Variants in OCA2 observed in about 807,000 individuals in gnomAD.
OCA2 encodes OCA2 melanosomal transmembrane protein.
In OCA2, 77 loss-of-function variants were observed where a neutral mutation model predicts 100.2. That is an observed-to-expected ratio of 0.77 (90% CI 0.64 to 0.93). OCA2 has a LOEUF of 0.93. Among genes scored for constraint, OCA2 ranks in the 40% least tolerant of loss-of-function variants. The pLI is 0.00. For synonymous variants in OCA2, 432 were observed against 439.2 expected (o/e 0.98, Z 0.21); for missense variants, 1,062 against 1,089.1 (o/e 0.98, Z 0.35).
At chr15:27,913,866 A>G (rs188041852) in intron 19 of OCA2, among the ~76,000 whole-genome samples, 4,597 of 57,810 alleles carry the variant, frequency 0.08, 508 homozygotes, top group East Asian at 0.35. Flanking sequence ...AAAGAAAGAA[A>G]GAAAGAAAGA....
At chr15:27,864,860 G>T (rs937656724) in intron 21 of OCA2, among the ~76,000 whole-genome samples, 1 of 151,914 alleles carries the variant, frequency 6.6e-6, no homozygotes, top group East Asian at 1.9e-4. Flanking sequence ...GTTTCTCAGC[G>T]GTTCCAACTC....
At chr15:27,740,868 C>T in the OCA2 span, among the ~76,000 whole-genome samples, 1 of 152,222 alleles carries the variant, frequency 6.6e-6, no homozygotes, top group Admixed American at 6.5e-5. Flanking sequence ...GCTTGTCTCA[C>T]GAGTCTCCAG....
At chr15:27,820,901 A>G (rs1002467372) in intron 23 of OCA2, among the ~76,000 whole-genome samples, 1 of 152,144 alleles carries the variant, frequency 6.6e-6, no homozygotes, top group African/African-American at 2.4e-5. Flanking sequence ...AAGGGCTATA[A>G]TATTTGTCAT....
At chr15:27,842,906 A>C (rs1332363398) in intron 23 of OCA2, among the ~76,000 whole-genome samples, 2 of 152,234 alleles carry the variant, frequency 1.3e-5, no homozygotes, top group Non-Finnish European at 2.9e-5. Context: ...GCCCACATGC[A>C]TCACCCACTG....
At chr15:28,088,639 G>A (rs1030383674) in intron 1 of OCA2, among the ~76,000 whole-genome samples, 8 of 152,106 alleles carry the variant, frequency 5.3e-5, no homozygotes, top group Non-Finnish European at 7.3e-5. Flanking sequence ...ATCACATGTC[G>A]GTAGGTTCCG....
intron 9 of OCA2, among the ~76,000 whole-genome samples, chr15:28,013,226 A>AATCCCAT (rs2042290892): frequency 2.0e-5 from 3 of 152,200 alleles, no homozygotes; most frequent in African/African-American, 7.2e-5. Context: ...GAAATAGGAT[A>AATCCCAT]GAGCAGCTAA....
intron 23 of OCA2, among the ~76,000 whole-genome samples, chr15:27,789,059 C>T (rs2032955996): frequency 1.3e-5 from 2 of 151,990 alleles, no homozygotes; most frequent in Admixed American, 6.6e-5. Flanking sequence ...TGTCAAAAGG[C>T]CAAAAGCATA....
At chr15:27,722,780 T>TC in the OCA2 span, among the ~76,000 whole-genome samples, 8 of 134,310 alleles carry the variant, frequency 6.0e-5, no homozygotes, top group South Asian at 5.0e-4. Context: ...TTTTCTTTCT[T>TC]TCTCTCTCTC....
chr15:27,783,123 A>C (rs548807903), intron 23 of OCA2, among the ~76,000 whole-genome samples: 26 of 152,364 alleles, frequency 1.7e-4, no homozygotes, highest in South Asian at 1.0e-3. Flanking sequence ...TTTCATTAAG[A>C]AGACATTGTT....
At chr15:28,049,086 A>T (rs1052922556) in intron 2 of OCA2, among the ~76,000 whole-genome samples, 3 of 152,214 alleles carry the variant, frequency 2.0e-5, no homozygotes, top group African/African-American at 7.2e-5. Flanking sequence ...TCATATATTG[A>T]TAAGGGTCTA....
intron 2 of OCA2, among the ~76,000 whole-genome samples, chr15:28,064,428 C>A (rs2043964292): frequency 6.6e-6 from 1 of 151,994 alleles, no homozygotes; most frequent in Non-Finnish European, 1.5e-5. Context: ...TGGCTTTCCA[C>A]AGGTCCCTTG....
At chr15:28,044,293 G>T (rs2043285384) in intron 2 of OCA2, among the ~76,000 whole-genome samples, 1 of 152,224 alleles carries the variant, frequency 6.6e-6, no homozygotes, top group South Asian at 2.1e-4. Flanking sequence ...GCATGAAGCA[G>T]ATGGCAGATT....
At chr15:27,904,986 A>G (rs967223847) in intron 19 of OCA2, among the ~76,000 whole-genome samples, 7 of 152,172 alleles carry the variant, frequency 4.6e-5, no homozygotes, top group African/African-American at 1.4e-4. Flanking sequence ...CAACATGGCA[A>G]AACCTCGTCT....
intron 19 of OCA2, among the ~76,000 whole-genome samples, chr15:27,923,066 T>C (rs1485731365): frequency 6.6e-6 from 1 of 152,146 alleles, no homozygotes; most frequent in African/African-American, 2.4e-5. Context: ...CATGTGGTAT[T>C]TGGTTTTCTG....
chr15:27,878,957 G>A (rs187171785), intron 19 of OCA2, among the ~76,000 whole-genome samples: 9 of 152,156 alleles, frequency 5.9e-5, no homozygotes, highest in African/African-American at 1.7e-4. Flanking sequence ...AACTCATCAC[G>A]TAGGTATTAA....
intron 23 of OCA2, among the ~76,000 whole-genome samples, chr15:27,811,387 CAT>C (rs1218085338): frequency 6.6e-6 from 1 of 151,924 alleles, no homozygotes; most frequent in Non-Finnish European, 1.5e-5. Flanking sequence ...GGAGGTGTGA[CAT>C]AAAAAATTAC....
rs371113413 is a variant in OCA2 at position 27,758,370 on chromosome 15, A to G, written c.2433-2898T>C. 2.3e-4 allele frequency among the ~76,000 whole-genome samples: 35 copies of G among 152,358 alleles called. 1 individual carries two copies. The highest frequency in any genetic ancestry group is 1.9e-3 in the South Asian group (9 of 4,832). On this transcript the variant is annotated intron_variant, in intron 23 of 23. Transcript: ENST00000354638. Reference sequence around the variant, plus strand: ...GAAAAAAAATTAAGCTCCTTGGTGAAGGCCAAGTGGGAACCAGAACTTCCA... The same window carrying G: ...GAAAAAAAATTAAGCTCCTTGGTGAGGGCCAAGTGGGAACCAGAACTTCCA...
At chr15:28,014,736 G>A (rs930009694) in intron 9 of OCA2, 40 bp downstream of exon 9, 2 of 1,603,956 alleles carry the variant, frequency 1.2e-6, no homozygotes, top group African/African-American at 2.7e-5. Context: ...CTCCCTGACT[G>A]TGGGCCCAGA....
intron 2 of OCA2, among the ~76,000 whole-genome samples, chr15:28,056,053 C>G (rs781441293): frequency 2.6e-5 from 4 of 151,986 alleles, no homozygotes; most frequent in African/African-American, 9.7e-5. Context: ...CCCCTGGTCC[C>G]CTGCACTCCA....
Sources: gnomAD v4.1 joint callset for allele counts (sites outside exome capture counted in the v4.1 genomes callset) on GRCh38, gnomAD v4.1.1 for gene constraint, MANE v1.5 for transcripts, NCBI Gene and HGNC (gene_info 2026-07-23, HGNC 2026-07-21) for gene names.